Variants in MLLT10 observed in about 807,000 individuals in gnomAD.
MLLT10 encodes protein AF-10.
Under a neutral mutation model 129.1 loss-of-function variants are expected in MLLT10, and 30 were observed. The ratio of observed to expected loss-of-function variants is 0.23; its 90% CI spans 0.17 to 0.32. The LOEUF (loss-of-function observed/expected upper bound fraction) is 0.32, where lower values mean the gene tolerates loss of function less well. Ranked by LOEUF, MLLT10 falls within the 10% of genes least tolerant of loss-of-function variation. The pLI is 1.00. For missense variants in MLLT10, 1,119 were observed against 1,268.3 expected (o/e 0.88, Z 1.79); for synonymous variants, 490 against 446.4 (o/e 1.10, Z -1.23).
intron 3 of MLLT10, among the ~76,000 whole-genome samples, chr10:21,579,737 T>C (rs977524467): frequency 2.0e-5 from 3 of 151,548 alleles, no homozygotes; most frequent in African/African-American, 7.3e-5. Context: ...TAATTTTGTA[T>C]TTTTTAGTAG....
At chr10:21,611,106 C>G (rs1232265742) in intron 5 of MLLT10, among the ~76,000 whole-genome samples, 2 of 149,850 alleles carry the variant, frequency 1.3e-5, no homozygotes, top group African/African-American at 4.9e-5. Flanking sequence ...AAGCGACTCT[C>G]CTGCCTCAGC....
chr10:21,732,561 T>C (rs1283597394), intron 17 of MLLT10, among the ~76,000 whole-genome samples: 2 of 152,248 alleles, frequency 1.3e-5, no homozygotes, highest in African/African-American at 2.4e-5. Context: ...CACTTGAATT[T>C]TTAATAGGCT....
intron 3 of MLLT10, among the ~76,000 whole-genome samples, chr10:21,584,544 C>G (rs1006006905): frequency 3.9e-5 from 6 of 151,952 alleles, no homozygotes; most frequent in African/African-American, 1.5e-4. Flanking sequence ...GAACTCCTGA[C>G]CTCAAGTGGT....
At chr10:21,701,425 T>G (rs1399976061) in intron 13 of MLLT10, among the ~76,000 whole-genome samples, 1 of 152,032 alleles carries the variant, frequency 6.6e-6, no homozygotes, top group Non-Finnish European at 1.5e-5. Flanking sequence ...TTTGCAGTCT[T>G]TCTACTTTTT....
At chr10:21,662,679 T>C (rs2050334771) in intron 9 of MLLT10, among the ~76,000 whole-genome samples, 1 of 152,234 alleles carries the variant, frequency 6.6e-6, no homozygotes, top group Admixed American at 6.5e-5. Context: ...ATTCCTGCCA[T>C]GTCTGACTTG....
intron 5 of MLLT10, among the ~76,000 whole-genome samples, chr10:21,610,396 A>G (rs1329175010): frequency 4.6e-5 from 7 of 152,196 alleles, no homozygotes; most frequent in African/African-American, 1.7e-4. Context: ...AGAGTGGACC[A>G]TCTGTCATAG....
intron 9 of MLLT10, among the ~76,000 whole-genome samples, chr10:21,669,528 A>G (rs1353843368): frequency 6.6e-6 from 1 of 152,164 alleles, no homozygotes; most frequent in African/African-American, 2.4e-5. Context: ...TAACTTATCC[A>G]ACAAAAATTT....
chr10:21,626,062 G>T, intron 8 of MLLT10: 3 of 1,507,656 alleles, frequency 2.0e-6, no homozygotes, highest in Non-Finnish European at 2.8e-6. Context: ...GCAAGGCCTT[G>T]ATCTTCACTT....
At chr10:21,635,852 G>A (rs1333282364) in intron 8 of MLLT10, among the ~76,000 whole-genome samples, 4 of 150,180 alleles carry the variant, frequency 2.7e-5, no homozygotes, top group African/African-American at 4.9e-5. Flanking sequence ...TCAGCCTCCC[G>A]AGTAGCTGGG....
intron 10 of MLLT10, among the ~76,000 whole-genome samples, chr10:21,671,342 A>C (rs1448067012): frequency 6.6e-6 from 1 of 152,166 alleles, no homozygotes; most frequent in Non-Finnish European, 1.5e-5. Context: ...TTTTTTATTT[A>C]TATTTCCTAA....
intron 21 of MLLT10, chr10:21,738,404 G>GC (rs910420059): frequency 1.6e-6 from 2 of 1,288,276 alleles, no homozygotes; most frequent in African/African-American, 3.0e-5. Flanking sequence ...TCTAATAATA[G>GC]CATGTGTAGC....
intron 9 of MLLT10, among the ~76,000 whole-genome samples, chr10:21,665,554 C>G (rs964189570): frequency 6.7e-6 from 1 of 150,320 alleles, no homozygotes; most frequent in Non-Finnish European, 1.5e-5. Context: ...TCCCAAACAG[C>G]TGGGATTACA....
chr10:21,535,385 G>C (rs2033769396), intron 2 of MLLT10, among the ~76,000 whole-genome samples: 1 of 152,142 alleles, frequency 6.6e-6, no homozygotes, highest in South Asian at 2.1e-4. Context: ...GGGCCCTGCC[G>C]CCGCCGCCCG....
At chr10:21,735,442 T>C (rs182695559) in intron 21 of MLLT10, among the ~76,000 whole-genome samples, 65 of 152,304 alleles carry the variant, frequency 4.3e-4, no homozygotes, top group Non-Finnish European at 8.2e-4. Context: ...CGTGGCATGG[T>C]GCTGCCATAG....
intron 5 of MLLT10, among the ~76,000 whole-genome samples, chr10:21,601,846 T>TTTTTTG (rs1266265013): frequency 6.6e-6 from 1 of 152,162 alleles, no homozygotes; most frequent in Non-Finnish European, 1.5e-5. Flanking sequence ...CCTATCTCAG[T>TTTTTTG]TTTTTGTTTT....
chr10:21,600,758 T>A (rs2043447177), intron 5 of MLLT10, among the ~76,000 whole-genome samples: 1 of 152,210 alleles, frequency 6.6e-6, no homozygotes, highest in Admixed American at 6.5e-5. Context: ...TTTTGATACA[T>A]CAGCTGATTC....
chr10:21,549,737 TC>T (rs2036681695), intron 3 of MLLT10, among the ~76,000 whole-genome samples: 1 of 151,028 alleles, frequency 6.6e-6, no homozygotes, highest in Non-Finnish European at 1.5e-5. Context: ...ATCCTCTACT[TC>T]CCGGGTTCTC....
At chr10:21,614,394 G>T (rs2045014576) in intron 6 of MLLT10, among the ~76,000 whole-genome samples, 1 of 152,032 alleles carries the variant, frequency 6.6e-6, no homozygotes, top group Non-Finnish European at 1.5e-5. Context: ...TCCTTGTAAG[G>T]TTATGTAATC....
At chr10:21,679,307 C>T (rs549914299) in intron 11 of MLLT10, among the ~76,000 whole-genome samples, 55 of 152,254 alleles carry the variant, frequency 3.6e-4, no homozygotes, top group Non-Finnish European at 4.1e-4. Flanking sequence ...CAGTTAGGCA[C>T]GAGGTCTTTT....
Sources: allele counts gnomAD v4.1 joint callset (sites outside exome capture counted in the v4.1 genomes callset), GRCh38; gene constraint gnomAD v4.1.1; transcripts MANE v1.5; gene names NCBI Gene and HGNC (gene_info 2026-07-23, HGNC 2026-07-21).